Variants in RAD51B observed in about 807,000 individuals in gnomAD.
The protein encoded by RAD51B is RAD51 paralog B.
RAD51B carries 38 observed loss-of-function variants against 42.2 expected under a neutral mutation model. The ratio of observed to expected loss-of-function variants is 0.90; its 90% CI spans 0.70 to 1.18. RAD51B has a LOEUF of 1.18. Ranked by LOEUF, RAD51B falls within the 50% of genes most tolerant of loss-of-function variation. The probability of loss-of-function intolerance (pLI) is 0.00; values close to 1 mark genes in which losing one functional copy is unlikely to be tolerated. For missense variants in RAD51B, 373 were observed against 400.7 expected (o/e 0.93, Z 0.59); for synonymous variants, 154 against 145.2 (o/e 1.06, Z -0.43).
intron 4 of RAD51B, among the ~76,000 whole-genome samples, chr14:67,845,704 C>A (rs555391707): frequency 4.5e-4 from 68 of 152,194 alleles, no homozygotes; most frequent in African/African-American, 1.6e-3. Context: ...ACACGAAATT[C>A]ATGATTGGAA....
chr14:67,925,355 C>T (rs1340417720), intron 7 of RAD51B, among the ~76,000 whole-genome samples: 1 of 151,658 alleles, frequency 6.6e-6, no homozygotes, highest in Non-Finnish European at 1.5e-5. Context: ...TCACTGTACC[C>T]TCTGCCTCCT....
intron 8 of RAD51B, among the ~76,000 whole-genome samples, chr14:68,399,473 G>A (rs2084028690): frequency 6.6e-6 from 1 of 152,032 alleles, no homozygotes; most frequent in Non-Finnish European, 1.5e-5. Context: ...TAGCCAGGAT[G>A]GCCTCCATCT....
At chr14:68,524,519 C>A (rs570729981) in intron 10 of RAD51B, among the ~76,000 whole-genome samples, 28 of 152,142 alleles carry the variant, frequency 1.8e-4, no homozygotes, top group Non-Finnish European at 3.5e-4. Flanking sequence ...GCTAAACACA[C>A]CCACAGGCTC....
intron 7 of RAD51B, among the ~76,000 whole-genome samples, chr14:67,951,285 G>C (rs2074440235): frequency 6.6e-6 from 1 of 151,636 alleles, no homozygotes; most frequent in Admixed American, 6.6e-5. Flanking sequence ...GTCACTCATT[G>C]GGTCTGCAAT....
chr14:68,576,398 C>T (rs1566943084), intron 10 of RAD51B, among the ~76,000 whole-genome samples: 2 of 152,180 alleles, frequency 1.3e-5, no homozygotes, highest in Non-Finnish European at 1.5e-5. Context: ...GACCTGCCTG[C>T]CACCCCCAAC....
At chr14:68,062,814 C>CAAAAAAAAAAAAA (rs962527138) in intron 7 of RAD51B, among the ~76,000 whole-genome samples, 1 of 39,782 alleles carries the variant, frequency 2.5e-5, no homozygotes. Context: ...GACTCTGTGA[C>CAAAAAAAAAAAAA]AAAAAAAAAA....
At chr14:68,164,815 T>C (rs917928038) in intron 7 of RAD51B, among the ~76,000 whole-genome samples, 1 of 152,194 alleles carries the variant, frequency 6.6e-6, no homozygotes, top group Non-Finnish European at 1.5e-5. Context: ...TGTGGGTAGT[T>C]AATTATTCTC....
At chr14:68,001,746 G>A (rs1182450912) in intron 7 of RAD51B, among the ~76,000 whole-genome samples, 1 of 151,988 alleles carries the variant, frequency 6.6e-6, no homozygotes, top group African/African-American at 2.4e-5. Context: ...CCCTCCATGT[G>A]TCCCTGTGTT....
chr14:67,855,100 A>C (rs895227401), intron 4 of RAD51B, among the ~76,000 whole-genome samples: 1 of 152,264 alleles, frequency 6.6e-6, no homozygotes, highest in South Asian at 2.1e-4. Context: ...GGGTTTCACC[A>C]TGTTAGCCAG....
chr14:68,671,432 T>C (rs1037268795), intron 11 of RAD51B, among the ~76,000 whole-genome samples: 3 of 152,078 alleles, frequency 2.0e-5, no homozygotes, highest in Non-Finnish European at 4.4e-5. Flanking sequence ...TGGCCAGACA[T>C]ACAAACCCAC....
At chr14:68,143,622 A>C (rs2078184203) in intron 7 of RAD51B, among the ~76,000 whole-genome samples, 1 of 152,168 alleles carries the variant, frequency 6.6e-6, no homozygotes, top group Non-Finnish European at 1.5e-5. Flanking sequence ...CCACACAGGA[A>C]AATTGTCTCT....
At chr14:68,560,172 A>T (rs1232742736) in intron 10 of RAD51B, among the ~76,000 whole-genome samples, 2 of 152,080 alleles carry the variant, frequency 1.3e-5, no homozygotes, top group Admixed American at 1.3e-4. Flanking sequence ...CCCTTTTCCC[A>T]TCAAATGGGC....
chr14:68,321,347 T>G (rs2082154096), intron 8 of RAD51B, among the ~76,000 whole-genome samples: 1 of 152,202 alleles, frequency 6.6e-6, no homozygotes, highest in Non-Finnish European at 1.5e-5. Flanking sequence ...CTAACCCACC[T>G]TCCCACTTAG....
intron 7 of RAD51B, among the ~76,000 whole-genome samples, chr14:67,952,215 G>GA (rs35656945): frequency 0.014 from 2,033 of 144,784 alleles, 44 homozygotes; most frequent in African/African-American, 0.044. Flanking sequence ...TTCATTTATA[G>GA]AAAAAAAAAA....
chr14:68,352,235 C>T (rs2082805334), intron 8 of RAD51B, among the ~76,000 whole-genome samples: 1 of 152,176 alleles, frequency 6.6e-6, no homozygotes, highest in South Asian at 2.1e-4. Context: ...GGAAAGAGCA[C>T]AGAGTAACGA....
At chr14:68,605,272 C>T (rs1021030770) in intron 10 of RAD51B, among the ~76,000 whole-genome samples, 4 of 152,218 alleles carry the variant, frequency 2.6e-5, no homozygotes, top group East Asian at 3.8e-4. Context: ...ACAGAATGCT[C>T]GTTCCCTGGT....
chr14:68,178,575 A>G (rs947085924), intron 7 of RAD51B, among the ~76,000 whole-genome samples: 1 of 152,156 alleles, frequency 6.6e-6, no homozygotes, highest in South Asian at 2.1e-4. Flanking sequence ...TTCTTTGTTA[A>G]AAGTTTGAAG....
intron 7 of RAD51B, among the ~76,000 whole-genome samples, chr14:68,025,514 G>T (rs1475930146): frequency 2.3e-5 from 3 of 131,002 alleles, no homozygotes; most frequent in Non-Finnish European, 4.8e-5. Flanking sequence ...GGTTGGTAGG[G>T]TTTTTAAAAT....
exon 11 of RAD51B, chr14:68,595,680 T>C: frequency 4.2e-6 from 4 of 957,204 alleles, no homozygotes; most frequent in Non-Finnish European, 5.1e-6. Context: ...TTCGACCATA[T>C]GGTATTGGTT....
Sources: allele counts gnomAD v4.1 joint callset (sites outside exome capture counted in the v4.1 genomes callset), GRCh38; gene constraint gnomAD v4.1.1; transcripts MANE v1.5; gene names NCBI Gene and HGNC (gene_info 2026-07-23, HGNC 2026-07-21).